Variants in GRIN2B observed in about 807,000 individuals in gnomAD.
The protein encoded by GRIN2B is glutamate ionotropic receptor NMDA type subunit 2B, also known as glutamate receptor ionotropic, NMDA 2B.
A neutral mutation model predicts 114.5 loss-of-function variants in GRIN2B; 5 were observed. That is an observed-to-expected ratio of 0.04 (90% CI 0.02 to 0.09). GRIN2B has a LOEUF of 0.09. GRIN2B is among the 10% of genes least tolerant of loss of function. GRIN2B has a pLI of 1.00. For synonymous variants in GRIN2B, 787 were observed against 745.1 expected, an observed-to-expected ratio of 1.06 and a Z score of -0.92; for missense variants, 1,108 against 1,943.5, an observed-to-expected ratio of 0.57 and a Z score of 8.08.
intron 2 of GRIN2B, among the ~76,000 whole-genome samples, chr12:13,929,502 CGT>C: frequency 6.6e-6 from 1 of 152,158 alleles, no homozygotes; most frequent in Non-Finnish European, 1.5e-5. Flanking sequence ...GCAGGTCTTA[CGT>C]TATGCTAAAG....
At chr12:13,833,556 A>G (rs1483735317) in intron 3 of GRIN2B, among the ~76,000 whole-genome samples, 1 of 152,160 alleles carries the variant, frequency 6.6e-6, no homozygotes, top group African/African-American at 2.4e-5. Flanking sequence ...GATACTCCAC[A>G]TCTTGAATTC....
chr12:13,763,818 T>C (rs983380230), intron 3 of GRIN2B, among the ~76,000 whole-genome samples: 2 of 152,204 alleles, frequency 1.3e-5, no homozygotes, highest in African/African-American at 4.8e-5. Context: ...TTGTGTTCAG[T>C]GTTTGATTGG....
chr12:13,793,554 T>C (rs555402853), intron 3 of GRIN2B, among the ~76,000 whole-genome samples: 1 of 152,378 alleles, frequency 6.6e-6, no homozygotes, highest in South Asian at 2.1e-4. Context: ...TCAGCCCTAA[T>C]GGCCATGCCA....
intron 3 of GRIN2B, among the ~76,000 whole-genome samples, chr12:13,772,157 T>C: frequency 6.6e-6 from 1 of 152,220 alleles, no homozygotes; most frequent in Non-Finnish European, 1.5e-5. Flanking sequence ...CTTCAGCTAT[T>C]ATTCCCAGCT....
At chr12:13,758,818 C>CTGTGTAAGTATG (rs1863625220) in intron 3 of GRIN2B, among the ~76,000 whole-genome samples, 2 of 152,140 alleles carry the variant, frequency 1.3e-5, no homozygotes, top group Admixed American at 1.3e-4. Flanking sequence ...AGTAAACATG[C>CTGTGTAAGTATG]ATACTTGCCT....
intron 4 of GRIN2B, among the ~76,000 whole-genome samples, chr12:13,706,312 C>T (rs1406386358): frequency 1.3e-5 from 2 of 151,996 alleles, no homozygotes; most frequent in African/African-American, 4.8e-5. Context: ...ATAAGAAATG[C>T]CATTCTTCAA....
At chr12:13,776,917 G>A (rs1036994860) in intron 3 of GRIN2B, among the ~76,000 whole-genome samples, 2 of 152,130 alleles carry the variant, frequency 1.3e-5, no homozygotes, top group African/African-American at 2.4e-5. Context: ...TTAGAAAAGT[G>A]TAGCTTTGGC....
At chr12:13,729,740 G>A (rs1038875167) in intron 4 of GRIN2B, among the ~76,000 whole-genome samples, 9 of 149,078 alleles carry the variant, frequency 6.0e-5, no homozygotes, top group East Asian at 4.0e-4. Context: ...TTTTGCTGCC[G>A]AAAGGAAATA....
At chr12:13,602,573 A>G (rs868473629) in intron 10 of GRIN2B, among the ~76,000 whole-genome samples, 1 of 152,184 alleles carries the variant, frequency 6.6e-6, no homozygotes, top group Admixed American at 6.5e-5. Flanking sequence ...ATTTCAGGGT[A>G]GTTGTGGAGT....
chr12:13,758,305 T>C (rs947147653), intron 3 of GRIN2B, among the ~76,000 whole-genome samples: 5 of 152,086 alleles, frequency 3.3e-5, no homozygotes, highest in African/African-American at 1.2e-4. Flanking sequence ...CCCTGCACAC[T>C]AACCTCAGGC....
intron 2 of GRIN2B, among the ~76,000 whole-genome samples, chr12:13,922,344 G>A (rs960136657): frequency 6.6e-6 from 1 of 152,124 alleles, no homozygotes; most frequent in Non-Finnish European, 1.5e-5. Flanking sequence ...ACAATGGAAG[G>A]TGGAGAGAAA....
intron 3 of GRIN2B, among the ~76,000 whole-genome samples, chr12:13,802,351 A>G (rs1265023995): frequency 6.6e-6 from 1 of 152,136 alleles, no homozygotes; most frequent in Non-Finnish European, 1.5e-5. Flanking sequence ...ATATTCTCAT[A>G]CACTATTGAT....
chr12:13,586,332 CTTTG>C (rs1325305559), intron 10 of GRIN2B, among the ~76,000 whole-genome samples: 3 of 152,072 alleles, frequency 2.0e-5, no homozygotes, highest in Non-Finnish European at 4.4e-5. Flanking sequence ...TATAAGCTTT[CTTTG>C]TTATCATTAT....
chr12:13,862,003 C>T (rs565603237), intron 3 of GRIN2B, among the ~76,000 whole-genome samples: 1 of 152,266 alleles, frequency 6.6e-6, no homozygotes, highest in Admixed American at 6.5e-5. Flanking sequence ...GGCAAGGAAA[C>T]AAACGTTGAG....
intron 2 of GRIN2B, among the ~76,000 whole-genome samples, chr12:13,965,699 TAA>T (rs1222651602): frequency 1.3e-5 from 2 of 152,230 alleles, no homozygotes; most frequent in Non-Finnish European, 2.9e-5. Context: ...CTCATATAAC[TAA>T]AGTTTTTCAT....
At chr12:13,913,216 A>G (rs1323314402) in intron 2 of GRIN2B, among the ~76,000 whole-genome samples, 1 of 152,174 alleles carries the variant, frequency 6.6e-6, no homozygotes, top group Non-Finnish European at 1.5e-5. Context: ...TCCTAAAACA[A>G]AAGTCTCATG....
In GRIN2B at chr12:13,615,675, A is replaced by G; in HGVS notation, c.1329-11T>C. 1 of 1,610,754 alleles carries G rather than the reference A, an allele frequency of 6.2e-7. No homozygotes were observed. Among genetic ancestry groups the G allele is most frequent in the Non-Finnish European group, 8.5e-7 (1 of 1,177,028 alleles). On this transcript the variant is annotated splice_polypyrimidine_tract_variant and intron_variant, in intron 6 of 13. Coordinates refer to ENST00000609686, the MANE Select transcript of GRIN2B (RefSeq NM_000834.5). This position sits in a 1 kb window ranked among gnomAD's most constrained non-coding sequence, Gnocchi z 5.8. Reference sequence around the variant, plus strand: ...TCGTCTGTTTTATTCCTAGCCAATTAAAGAAACAAAAACAAACAAACAAAA... The same window carrying G: ...TCGTCTGTTTTATTCCTAGCCAATTGAAGAAACAAAAACAAACAAACAAAA...
At chr12:13,613,563 G>T (rs1230565640) in intron 8 of GRIN2B, among the ~76,000 whole-genome samples, 1 of 152,076 alleles carries the variant, frequency 6.6e-6, no homozygotes, top group Non-Finnish European at 1.5e-5. Context: ...TGGTTCCTGG[G>T]TTAGGGGCTG....
chr12:13,923,655 C>A (rs1866859894), intron 2 of GRIN2B, among the ~76,000 whole-genome samples: 1 of 152,142 alleles, frequency 6.6e-6, no homozygotes, highest in African/African-American at 2.4e-5. Flanking sequence ...TGAATGTTCA[C>A]AATACACTTG....
Sources: gnomAD v4.1 joint callset for allele counts (sites outside exome capture counted in the v4.1 genomes callset) on GRCh38, gnomAD v4.1.1 for gene constraint, Gnocchi (gnomAD v3.1) non-coding constraint, MANE v1.5 for transcripts, NCBI Gene and HGNC (gene_info 2026-07-23, HGNC 2026-07-21) for gene names.